ZNF384: variants seen among roughly 807,000 people sequenced by gnomAD.
ZNF384 encodes CAG repeat protein 1.
In ZNF384, 20 loss-of-function variants were observed where a neutral mutation model predicts 65.0. The ratio of observed to expected loss-of-function variants is 0.31; its 90% CI spans 0.22 to 0.45. ZNF384 has a LOEUF of 0.45. ZNF384 is among the 20% of genes least tolerant of loss of function. ZNF384 has a pLI of 1.00. For missense variants in ZNF384, 549 were observed against 769.4 expected (o/e 0.71, Z 3.39); for synonymous variants, 310 against 303.9 (o/e 1.02, Z -0.21).
In ZNF384 at chr12:6,667,708, G is replaced by A. The variant is rs367576053; in HGVS notation, c.*6C>T. The stretch of plus-strand genomic sequence containing the variant: ...TCCTCTTCCCAGTGGGTGGCAGCAC[G>A]GATCTCTAAGAGCTGGCCAGGTGCT... On this transcript the variant is annotated 3_prime_UTR_variant, in exon 12 of 12. Coordinates refer to ENST00000683879, the MANE Select transcript of ZNF384 (RefSeq NM_001385745.1). 3.0e-5 allele frequency: 49 copies of A among 1,614,120 alleles called. No homozygotes were observed. The African/African-American group carries it at 3.5e-4, about 11-fold the overall frequency.
In ZNF384 at chr12:6,677,717, AG is replaced by A. The variant is rs558966341; in HGVS notation, c.686+409del. Among the ~76,000 whole-genome samples the A allele has an allele frequency of 2.3e-3, 353 of 152,300 alleles. 2 individuals carry two copies. Among genetic ancestry groups the A allele is most frequent in the Non-Finnish European group, 4.4e-3 (298 of 68,018 alleles). ...CAGGCTCAGTGTTCAAATGCGACCCAGGAACTGGTGGATGGCACATAGGTTA... is the reference window on the plus strand; with the variant it reads ...CAGGCTCAGTGTTCAAATGCGACCCAGAACTGGTGGATGGCACATAGGTTA... On this transcript the variant is annotated intron_variant, in intron 6 of 11. Coordinates refer to ENST00000683879, the MANE Select transcript of ZNF384 (RefSeq NM_001385745.1).
Position 6,672,513 on chromosome 12 carries a change from T to C in ZNF384, c.1024A>G (p.Thr342Ala). The change falls in exon 9 of 12, where the codon ACG becomes GCG. Residue 342 changes from threonine (T) to alanine (A), a missense_variant. By Grantham distance (58) the Thr-to-Ala change is moderately conservative. Coordinates refer to ENST00000683879, the MANE Select transcript of ZNF384 (RefSeq NM_001385745.1). The surrounding 1 kb of genome is among the most constrained non-coding windows in gnomAD (Gnocchi z 4.4). ...CACTTGTGGGGCTTGATGGTCTCCGTGTGCATCTTGGAGTGGATCCTGCCG... is the reference window on the plus strand; with the variant it reads ...CACTTGTGGGGCTTGATGGTCTCCGCGTGCATCTTGGAGTGGATCCTGCCG... ...QHTRIHSKMHTETIKPHKCPH... is the reference protein window; with the variant it reads ...QHTRIHSKMHAETIKPHKCPH... The C allele has an allele frequency of 1.2e-6, 2 of 1,613,736 alleles. No individual in the cohort carries two copies. The highest frequency in any genetic ancestry group is 1.7e-6 in the Non-Finnish European group (2 of 1,179,888).
Position 6,673,063 on chromosome 12 carries a change from A to G in ZNF384, c.1004+153T>C. Reference sequence around the variant, plus strand: ...TCAAGGCCCCCCAAATAGCTAGGATATATAATTTCCACAGACAGTAATAGG... The same window carrying G: ...TCAAGGCCCCCCAAATAGCTAGGATGTATAATTTCCACAGACAGTAATAGG... On this transcript the variant is annotated intron_variant, in intron 8 of 11. Coordinates refer to ENST00000683879, the MANE Select transcript of ZNF384 (RefSeq NM_001385745.1). The surrounding 1 kb of genome is among the most constrained non-coding windows in gnomAD (Gnocchi z 4.7). The G allele has an allele frequency of 1.4e-6, 1 of 716,380 alleles. No individual in the cohort carries two copies. The highest frequency in any genetic ancestry group is 2.3e-6 in the Non-Finnish European group (1 of 432,310). The allele number at this position is 716,380 out of a possible 1,614,324, so 44.4% of individuals were successfully genotyped here.
chr12:6,679,778 A>G (rs969856879), intron 2 of ZNF384, among the ~76,000 whole-genome samples: 1 of 152,124 alleles, frequency 6.6e-6, no homozygotes, highest in Non-Finnish European at 1.5e-5. Context: ...TACTCACACA[A>G]TGTTATTCAT....
At chr12:6,669,242 C>G in intron 10 of ZNF384, 53 bp from the exon 11 acceptor site, 2 of 1,529,412 alleles carry the variant, frequency 1.3e-6, no homozygotes, top group Non-Finnish European at 1.8e-6. Flanking sequence ...TTCCTCCTGC[C>G]CCCTTGACCT....
At position 6,673,056 on chromosome 12, in the gene ZNF384, C is replaced by A; in HGVS notation, c.1004+160G>T. On this transcript the variant is annotated intron_variant, in intron 8 of 11. Coordinates refer to ENST00000683879, the MANE Select transcript of ZNF384 (RefSeq NM_001385745.1). The surrounding 1 kb of genome is among the most constrained non-coding windows in gnomAD (Gnocchi z 4.7). ...ACAATTTTCAAGGCCCCCCAAATAG[C>A]TAGGATATATAATTTCCACAGACAG... 1 of 700,480 alleles carries A rather than the reference C, an allele frequency of 1.4e-6. No homozygotes were observed. Among genetic ancestry groups the A allele is most frequent in the Non-Finnish European group, 2.4e-6 (1 of 420,510 alleles). 43.4% of individuals were successfully genotyped at this position (700,480 alleles called of 1,614,324 possible). A position where few individuals can be genotyped will look rare whatever the true frequency, so the allele number is the denominator to read the frequency against.
chr12:6,670,366 T>A (rs1325151925), intron 10 of ZNF384, among the ~76,000 whole-genome samples: 1 of 151,778 alleles, frequency 6.6e-6, no homozygotes, highest in Admixed American at 6.6e-5. Flanking sequence ...AGGCTGAGGC[T>A]GCAGTGGGCC....
At position 6,672,304 on chromosome 12, in the gene ZNF384, G is replaced by C; in HGVS notation, c.1187+46C>G. 6.3e-7 allele frequency: 1 copy of C among 1,577,784 alleles called. No individual in the cohort carries two copies. Among genetic ancestry groups the C allele is most frequent in the Non-Finnish European group, 8.6e-7 (1 of 1,160,078 alleles). Reference sequence around the variant, plus strand: ...TGTGTGTCCGGGGCGGGGGTGGGGAGGGCATGCCAGCGGGGCGGGGTCAGT... The same window carrying C: ...TGTGTGTCCGGGGCGGGGGTGGGGACGGCATGCCAGCGGGGCGGGGTCAGT... On this transcript the variant is annotated intron_variant, in intron 9 of 11. Coordinates refer to ENST00000683879, the MANE Select transcript of ZNF384 (RefSeq NM_001385745.1). This position sits in a 1 kb window ranked among gnomAD's most constrained non-coding sequence, Gnocchi z 4.4.
At position 6,678,177 on chromosome 12, in the gene ZNF384, G is replaced by A. The variant is rs1322267753; in HGVS notation, c.636C>T (p.Val212=). ...GGTCATCATCATCCTCAGGGGAGAG[G>A]ACATAAGGGTCATTCATCTCGGGCA... The part of the protein sequence containing the change: ...SGLPEMNDPY[V]LSPEDDDDHQ... The change falls in exon 6 of 12, where the codon GTC becomes GTT. Residue 212 remains valine (V), a synonymous_variant. Coordinates refer to ENST00000683879, the MANE Select transcript of ZNF384 (RefSeq NM_001385745.1). This position sits in a 1 kb window ranked among gnomAD's most constrained non-coding sequence, Gnocchi z 4.9. 1.9e-6 allele frequency: 3 copies of A among 1,614,130 alleles called. No homozygotes were observed. Among genetic ancestry groups the A allele is most frequent in the South Asian group, 1.1e-5 (1 of 91,076 alleles).
At chr12:6,686,413 C>T (rs1957930058) in intron 2 of ZNF384, among the ~76,000 whole-genome samples, 1 of 152,216 alleles carries the variant, frequency 6.6e-6, no homozygotes, top group African/African-American at 2.4e-5. Flanking sequence ...GCCAACACAT[C>T]TGGATAATTT....
At chr12:6,686,177 C>G (rs1957845882) in intron 2 of ZNF384, among the ~76,000 whole-genome samples, 2 of 152,190 alleles carry the variant, frequency 1.3e-5, no homozygotes, top group African/African-American at 4.8e-5. Flanking sequence ...ATTCCCTTAA[C>G]ACAACCAACC....
In ZNF384 at chr12:6,673,285, G is replaced by A. The variant is rs139586856; in HGVS notation, c.935C>T (p.Ala312Val). Residue 312 changes from alanine (A) to valine (V), a missense_variant, in exon 8 of 12, where the codon GCT becomes GTT. Transcript: ENST00000683879. This position sits in a 1 kb window ranked among gnomAD's most constrained non-coding sequence, Gnocchi z 4.7. ...LAQHIRIHSG[A>V]KPYSCNFCEK... is the part of the protein sequence containing the mutation. ...ACAGAAGTTACAACTGTAGGGCTTA[G>A]CCCCTGAGTGTATACGGATGTGCTG... 4.1e-5 allele frequency: 66 copies of A among 1,614,146 alleles called. No homozygotes were observed. In the East Asian group the frequency reaches 1.4e-3, roughly 33 times the overall value.
At chr12:6,674,622 GGA>G in intron 7 of ZNF384, among the ~76,000 whole-genome samples, 1 of 152,322 alleles carries the variant, frequency 6.6e-6, no homozygotes, top group African/African-American at 2.4e-5. Context: ...AATCATTGCA[GGA>G]GAGAGGGGGA....
chr12:6,679,757 C>G (rs1013096646), intron 2 of ZNF384, among the ~76,000 whole-genome samples: 1 of 152,166 alleles, frequency 6.6e-6, no homozygotes, highest in African/African-American at 2.4e-5. Flanking sequence ...AGAACTTATA[C>G]GTATCACATT....
At chr12:6,668,385 A>C (rs2062553547) in intron 11 of ZNF384, among the ~76,000 whole-genome samples, 1 of 152,122 alleles carries the variant, frequency 6.6e-6, no homozygotes, top group African/African-American at 2.4e-5. Flanking sequence ...ACAACTTTAC[A>C]ACCTTTTCTG....
At chr12:6,681,511 G>A (rs543479384) in intron 2 of ZNF384, among the ~76,000 whole-genome samples, 1 of 152,272 alleles carries the variant, frequency 6.6e-6, no homozygotes, top group Middle Eastern at 3.4e-3. Flanking sequence ...CTGCTACTCT[G>A]AGCAAAGCAC....
In ZNF384 at chr12:6,666,815, A is replaced by T. The variant is rs1417045618; in HGVS notation, c.*899T>A. ...CGTGATGAGTGAGTATAATATATTT[A>T]TATATATATATTTATATATAAATCC... On this transcript the variant is annotated 3_prime_UTR_variant, in exon 12 of 12. Coordinates refer to ENST00000683879, the MANE Select transcript of ZNF384 (RefSeq NM_001385745.1). 8 of 166,034 alleles carry T rather than the reference A, an allele frequency of 4.8e-5. No homozygotes were observed. The South Asian group carries it at 6.1e-4, about 13-fold the overall frequency. The allele number at this position is 166,034 out of a possible 1,614,324, so 10.3% of individuals were successfully genotyped here.
At chr12:6,688,713 G>A (rs1478212911) in intron 1 of ZNF384, 1 of 152,566 alleles carries the variant, frequency 6.6e-6, no homozygotes, top group Admixed American at 6.5e-5. Flanking sequence ...CCGAGGCCTT[G>A]TGCCAAGAAG....
intron 2 of ZNF384, among the ~76,000 whole-genome samples, chr12:6,687,403 C>G (rs184228107): frequency 6.6e-6 from 1 of 152,120 alleles, no homozygotes; most frequent in Admixed American, 6.6e-5. Context: ...GAATGTGAGG[C>G]CAAAATAAAT....
Sources: allele counts gnomAD v4.1 joint callset (sites outside exome capture counted in the v4.1 genomes callset), GRCh38; gene constraint gnomAD v4.1.1; non-coding constraint Gnocchi (gnomAD v3.1); transcripts MANE v1.5; gene names NCBI Gene and HGNC (gene_info 2026-07-23, HGNC 2026-07-21).